ZNF280B: variants seen among roughly 807,000 people sequenced by gnomAD.
ZNF280B encodes zinc finger protein 280B, also known as suppressor of hairy wing homolog 2.
A neutral mutation model predicts 38.0 loss-of-function variants in ZNF280B; 16 were observed. The ratio of observed to expected loss-of-function variants is 0.42; its 90% CI spans 0.28 to 0.64. The LOEUF (loss-of-function observed/expected upper bound fraction) is 0.64. Ranked by LOEUF, ZNF280B falls within the 30% of genes least tolerant of loss-of-function variation. ZNF280B has a pLI of 0.21. For synonymous variants in ZNF280B, 253 were observed against 230.6 expected, an observed-to-expected ratio of 1.10 and a Z score of -0.88; for missense variants, 581 against 639.6, an observed-to-expected ratio of 0.91 and a Z score of 0.99.
chr22:22,490,289 G>A (rs9611831), intron 3 of ZNF280B, among the ~76,000 whole-genome samples: 19,280 of 151,692 alleles, frequency 0.13, 1,840 homozygotes, highest in Admixed American at 0.19. Flanking sequence ...AAGTCAGACT[G>A]TATCATTGTT....
chr22:22,488,952 T>C lies in ZNF280B; in HGVS notation c.447A>G (p.Thr149=), dbSNP rs761011561. The C allele has an allele frequency of 6.2e-7, 1 of 1,613,858 alleles. No individual in the cohort carries two copies. The highest frequency in any genetic ancestry group is 2.2e-5 in the East Asian group (1 of 44,784). The change falls in exon 4 of 4, where the codon ACA becomes ACG. Residue 149 remains threonine, a synonymous_variant. Transcript: ENST00000626650. ...SELPSPLITF[T]DSLHHPVSTA... ...TACTTACTGGATGATGCAATGAATC[T>C]GTGAATGTAATCAAAGGAGAAGGTA...
chr22:22,504,787 C>T (rs1860226713), intron 2 of ZNF280B, among the ~76,000 whole-genome samples: 1 of 151,908 alleles, frequency 6.6e-6, no homozygotes, highest in African/African-American at 2.4e-5. Flanking sequence ...GCACAGTTCT[C>T]ATAATCTCAT....
chr22:22,493,612 A>G (rs2061639361), intron 3 of ZNF280B, among the ~76,000 whole-genome samples: 1 of 151,966 alleles, frequency 6.6e-6, no homozygotes. Flanking sequence ...TAACTTTTAG[A>G]GCATCACTCA....
In ZNF280B at chr22:22,487,764, GAATT is replaced by G. The variant is rs756557936; in HGVS notation, c.1631_*2del. On this transcript the variant is annotated stop_lost and 3_prime_UTR_variant, in exon 4 of 4. Transcript: ENST00000626650. The stretch of plus-strand genomic sequence containing the variant: ...ACTTGCTTTAGATTTACTGAAACTA[GAATT>G]AATGGGACTTTTTTGAAATTTTGCT... 2.7e-5 allele frequency: 42 copies of G among 1,566,302 alleles called. 1 individual carries two copies. In the East Asian group the frequency reaches 3.6e-4, roughly 13 times the overall value.
chr22:22,503,284 T>C (rs2061862544), intron 2 of ZNF280B, among the ~76,000 whole-genome samples: 1 of 151,970 alleles, frequency 6.6e-6, no homozygotes, highest in Non-Finnish European at 1.5e-5. Context: ...GTTGATGAAA[T>C]GTCTTGGAAT....
At chr22:22,501,173 T>C (rs1215425306) in intron 2 of ZNF280B, among the ~76,000 whole-genome samples, 1 of 151,948 alleles carries the variant, frequency 6.6e-6, no homozygotes, top group Admixed American at 6.6e-5. Flanking sequence ...TCTAGAGATC[T>C]GTTTCACATC....
At position 22,485,757 on chromosome 22, in the gene ZNF280B, G is replaced by A. The variant is rs1388002593; in HGVS notation, c.*2010C>T. On this transcript the variant is annotated 3_prime_UTR_variant, in exon 4 of 4. Coordinates refer to ENST00000626650, the MANE Select transcript of ZNF280B (RefSeq NM_080764.4). ...CCTTTAAAAAGAAATCAAGGAAAAA[G>A]GGAGAGATTTCTCCAGACCTATGTA... 1 of 150,290 alleles carries A rather than the reference G, an allele frequency of 6.7e-6. No homozygotes were observed. The highest frequency in any genetic ancestry group is 2.0e-4 in the East Asian group (1 of 4,938). The allele number at this position is 150,290 out of a possible 1,614,324, so 9.3% of individuals were successfully genotyped here. A position where few individuals can be genotyped will look rare whatever the true frequency, so the allele number is the denominator to read the frequency against.
Position 22,488,935 on chromosome 22 carries a change from G to A in ZNF280B, c.464C>T (p.Pro155Leu), listed in dbSNP as rs1303670674. The A allele has an allele frequency of 6.2e-7, 1 of 1,613,666 alleles. No individual in the cohort carries two copies. The highest frequency in any genetic ancestry group is 2.2e-5 in the East Asian group (1 of 44,796). ...TCCTACTGAAAGTGCTGTACTTACT[G>A]GATGATGCAATGAATCTGTGAATGT... ...LITFTDSLHH[P>L]VSTALSVGGI... is the part of the protein sequence containing the mutation. The change falls in exon 4 of 4, where the codon CCA becomes CTA. Residue 155 changes from proline (P) to leucine (L), a missense_variant. Physicochemically the swap from Pro to Leu is moderately conservative, Grantham distance 98. Transcript: ENST00000626650.
chr22:22,500,575 G>A (rs2061796224), intron 2 of ZNF280B, among the ~76,000 whole-genome samples: 1 of 151,854 alleles, frequency 6.6e-6, no homozygotes, highest in South Asian at 2.1e-4. Flanking sequence ...GAAAGTAGAG[G>A]CCGGAAGCAG....
intron 2 of ZNF280B, among the ~76,000 whole-genome samples, chr22:22,500,037 A>C (rs2061784720): frequency 6.6e-6 from 1 of 152,058 alleles, no homozygotes; most frequent in Non-Finnish European, 1.5e-5. Flanking sequence ...AATGCACATT[A>C]AAACCACCTT....
intron 2 of ZNF280B, among the ~76,000 whole-genome samples, chr22:22,500,127 C>G (rs1030456140): frequency 1.3e-5 from 2 of 152,028 alleles, no homozygotes; most frequent in East Asian, 3.9e-4. Flanking sequence ...TCCTCATGCA[C>G]AGTCACTGGA....
At position 22,489,148 on chromosome 22, in the gene ZNF280B, C is replaced by T. The variant is rs144448744; in HGVS notation, c.251G>A (p.Arg84His). 2.3e-5 allele frequency: 37 copies of T among 1,613,692 alleles called. No individual in the cohort carries two copies. Among genetic ancestry groups the T allele is most frequent in the East Asian group, 1.3e-4 (6 of 44,794 alleles). Residue 84 changes from arginine to histidine, a missense_variant, in exon 4 of 4, where the codon CGC becomes CAC. By Grantham distance (29) the Arg-to-His change is conservative. Transcript: ENST00000626650. ...CTCATGACTTTTAGGCTGCAATTTG[C>T]GAGCAGTATCTTTTCTAAGGTGATC... ...KYDHLRKDTA[R>H]KLQPKSHETV...
intron 2 of ZNF280B, among the ~76,000 whole-genome samples, chr22:22,494,521 T>C (rs1485942481): frequency 6.6e-6 from 1 of 151,858 alleles, no homozygotes; most frequent in Non-Finnish European, 1.5e-5. Context: ...TATTTTCCAA[T>C]TTGCCAGAAT....
intron 2 of ZNF280B, among the ~76,000 whole-genome samples, chr22:22,501,040 A>C (rs2061811911): frequency 6.7e-6 from 1 of 149,736 alleles, no homozygotes; most frequent in Admixed American, 6.7e-5. Context: ...AAAAAAAAAA[A>C]ACAAAAAACC....
chr22:22,505,064 T>C (rs919884495), intron 2 of ZNF280B, among the ~76,000 whole-genome samples: 1 of 151,924 alleles, frequency 6.6e-6, no homozygotes, highest in African/African-American at 2.4e-5. Context: ...GATACTCACA[T>C]AACATGAATA....
chr22:22,491,354 T>C (rs4822059), intron 3 of ZNF280B, among the ~76,000 whole-genome samples: 1 of 151,510 alleles, frequency 6.6e-6, no homozygotes, highest in African/African-American at 2.4e-5. Context: ...AAAAAAAAGT[T>C]ATATGGAGTC....
chr22:22,488,367 G>T lies in ZNF280B; in HGVS notation c.1032C>A (p.Thr344=). Residue 344 remains threonine, a synonymous_variant, in exon 4 of 4, where the codon ACC becomes ACA. Coordinates refer to ENST00000626650, the MANE Select transcript of ZNF280B (RefSeq NM_080764.4). ...QRNDSWENHT[T]CQHCHRQFPT... The stretch of plus-strand genomic sequence containing the variant: ...GAAACTGCCGGTGGCAGTGCTGGCA[G>T]GTGGTGTGGTTTTCCCAGCTGTCGT... 5 of 1,613,872 alleles carry T rather than the reference G, an allele frequency of 3.1e-6. No homozygotes were observed. The highest frequency in any genetic ancestry group is 2.7e-5 in the African/African-American group (2 of 74,972).
chr22:22,489,422 T>C lies in ZNF280B; in HGVS notation c.-24A>G, dbSNP rs1569174881. 1 of 1,565,526 alleles carries C rather than the reference T, an allele frequency of 6.4e-7. No homozygotes were observed. Among genetic ancestry groups the C allele is most frequent in the Non-Finnish European group, 8.6e-7 (1 of 1,161,018 alleles). Reference sequence around the variant, plus strand: ...ATTTTCTAATTTTTTTATTCCTGAATGGTGGGGCCACAAGTCCCAATGCTT... The same window carrying C: ...ATTTTCTAATTTTTTTATTCCTGAACGGTGGGGCCACAAGTCCCAATGCTT... On this transcript the variant is annotated 5_prime_UTR_variant, in exon 4 of 4. Coordinates refer to ENST00000626650, the MANE Select transcript of ZNF280B (RefSeq NM_080764.4).
chr22:22,489,207 G>T lies in ZNF280B; in HGVS notation c.192C>A (p.Val64=). The change falls in exon 4 of 4, where the codon GTC becomes GTA. Residue 64 remains valine, a synonymous_variant. Transcript: ENST00000626650. ...KPVVSNILNR[V]TPGSWSRRKK... is the part of the protein sequence containing the mutation. Reference sequence around the variant, plus strand: ...TTCTCCTTGACCATGAACCCGGGGTGACTCTGTTCAAAATGTTTGAAACGA... The same window carrying T: ...TTCTCCTTGACCATGAACCCGGGGTTACTCTGTTCAAAATGTTTGAAACGA... The T allele has an allele frequency of 1.2e-6, 2 of 1,613,748 alleles. No homozygotes were observed. The highest frequency in any genetic ancestry group is 1.7e-6 in the Non-Finnish European group (2 of 1,179,948).
Sources: allele counts gnomAD v4.1 joint callset (sites outside exome capture counted in the v4.1 genomes callset), GRCh38; gene constraint gnomAD v4.1.1; transcripts MANE v1.5; gene names NCBI Gene and HGNC (gene_info 2026-07-23, HGNC 2026-07-21).